The following NTM variants were observed in gnomAD, a reference collection of about 807,000 sequenced individuals.
The protein encoded by NTM is neurotrimin.
In NTM, 13 loss-of-function variants were observed where a neutral mutation model predicts 42.1. The observed-to-expected ratio is 0.31, with a 90% CI of 0.20 to 0.49. NTM has a LOEUF of 0.49. Among genes scored for constraint, NTM ranks in the 20% least tolerant of loss-of-function variants. The pLI is 0.99. For synonymous variants in NTM, 187 were observed against 179.2 expected (o/e 1.04, Z -0.35); for missense variants, 373 against 452.8 (o/e 0.82, Z 1.60).
At chr11:132,094,734 C>G (rs1200133028) in intron 2 of NTM, among the ~76,000 whole-genome samples, 1 of 152,096 alleles carries the variant, frequency 6.6e-6, no homozygotes, top group Non-Finnish European at 1.5e-5. Context: ...CCCATGGAAA[C>G]AACCAGAGAG....
intron 2 of NTM, among the ~76,000 whole-genome samples, chr11:131,975,580 T>C (rs929715845): frequency 2.6e-5 from 4 of 152,170 alleles, no homozygotes; most frequent in Non-Finnish European, 5.9e-5. Flanking sequence ...CAATAAAAGC[T>C]TAAATAAGGG....
At chr11:132,260,256 C>CT (rs11415025) in intron 4 of NTM, among the ~76,000 whole-genome samples, 77,087 of 148,118 alleles carry the variant, frequency 0.52, 20,513 homozygotes, top group African/African-American at 0.66. Context: ...ATCACCCAGC[C>CT]TTTTTTTTTT....
chr11:132,094,795 C>T (rs1473323343), intron 2 of NTM, among the ~76,000 whole-genome samples: 1 of 152,090 alleles, frequency 6.6e-6, no homozygotes, highest in Non-Finnish European at 1.5e-5. Context: ...CCCCCATATG[C>T]TTAAGAAGAC....
intron 2 of NTM, among the ~76,000 whole-genome samples, chr11:131,989,838 G>T (rs148982510): frequency 2.3e-3 from 349 of 152,156 alleles, no homozygotes; most frequent in African/African-American, 7.9e-3. Context: ...GAAAAGAATG[G>T]TACAACCATG....
chr11:131,440,206 C>A (rs909945186), intron 1 of NTM, among the ~76,000 whole-genome samples: 1 of 151,940 alleles, frequency 6.6e-6, no homozygotes, highest in Non-Finnish European at 1.5e-5. Flanking sequence ...TAACCTATAA[C>A]TTCTTTTAAT....
intron 1 of NTM, among the ~76,000 whole-genome samples, chr11:131,612,182 G>T (rs2061514092): frequency 1.3e-5 from 2 of 152,152 alleles, no homozygotes; most frequent in African/African-American, 4.8e-5. Flanking sequence ...GGCCACCTTG[G>T]AAGTGGATCC....
Position 132,335,334 on chromosome 11 carries a change from GA to G in NTM, c.*191del. 2 of 651,378 alleles carry G rather than the reference GA, an allele frequency of 3.1e-6. No homozygotes were observed. The highest frequency in any genetic ancestry group is 5.9e-5 in the East Asian group (2 of 33,944). 40.3% of individuals were successfully genotyped at this position (651,378 alleles called of 1,614,324 possible). ...TTGGGGGGAAAAAAGTTTTAAAAAAGAAATTGAAAATTGCCTTGCAGATATT... is the reference window on the plus strand; with the variant it reads ...TTGGGGGGAAAAAAGTTTTAAAAAAGAATTGAAAATTGCCTTGCAGATATT... On this transcript the variant is annotated 3_prime_UTR_variant, in exon 9 of 9. Coordinates refer to ENST00000683400, the MANE Select transcript of NTM (RefSeq NM_001352005.2).
intron 2 of NTM, among the ~76,000 whole-genome samples, chr11:132,142,672 A>G (rs543224006): frequency 1.3e-5 from 2 of 152,166 alleles, no homozygotes; most frequent in Admixed American, 6.5e-5. Context: ...ACTGATACCC[A>G]GCAGTGACAG....
chr11:131,532,854 G>A (rs2051500901), intron 1 of NTM, among the ~76,000 whole-genome samples: 1 of 152,010 alleles, frequency 6.6e-6, no homozygotes, highest in African/African-American at 2.4e-5. Flanking sequence ...TGTGTTTATG[G>A]CCTGGTATGT....
chr11:131,718,737 T>G (rs1377897016), intron 1 of NTM, among the ~76,000 whole-genome samples: 1 of 152,122 alleles, frequency 6.6e-6, no homozygotes, highest in African/African-American at 2.4e-5. Flanking sequence ...CTGAGCACTC[T>G]AATGTTCTTG....
intron 2 of NTM, among the ~76,000 whole-genome samples, chr11:132,092,933 A>G (rs918649580): frequency 6.6e-6 from 1 of 152,122 alleles, no homozygotes; most frequent in African/African-American, 2.4e-5. Flanking sequence ...TCTCATTGGG[A>G]TTATTATGGC....
intron 2 of NTM, among the ~76,000 whole-genome samples, chr11:131,999,648 G>C (rs2068780942): frequency 6.6e-6 from 1 of 152,130 alleles, no homozygotes; most frequent in African/African-American, 2.4e-5. Context: ...GAGAAAACAG[G>C]TTCTCTTCTG....
Position 131,632,895 on chromosome 11 carries a change from G to A in NTM, c.82+262007G>A, listed in dbSNP as rs535490359. ...TCACCGTGTTAGCCAGGATGGTCTCGATCTCCTGACCTCGTGATCCGCCCA... is the reference window on the plus strand; with the variant it reads ...TCACCGTGTTAGCCAGGATGGTCTCAATCTCCTGACCTCGTGATCCGCCCA... On this transcript the variant is annotated intron_variant, in intron 1 of 8. Transcript: ENST00000683400. Among the ~76,000 whole-genome samples the A allele has an allele frequency of 9.5e-5, 14 of 147,118 alleles. No homozygotes were observed. The East Asian group carries it at 1.6e-3, about 16-fold the overall frequency.
At chr11:131,599,888 T>C (rs1287690721) in intron 1 of NTM, among the ~76,000 whole-genome samples, 3 of 152,214 alleles carry the variant, frequency 2.0e-5, no homozygotes. Context: ...GAATCCTGCC[T>C]CCCTGGGCAG....
intron 2 of NTM, among the ~76,000 whole-genome samples, chr11:132,059,376 C>T (rs1353001886): frequency 6.6e-6 from 1 of 152,228 alleles, no homozygotes; most frequent in Non-Finnish European, 1.5e-5. Context: ...GACGCATTTG[C>T]TGCCTCCAAG....
At chr11:131,671,694 A>G (rs2070277101) in intron 1 of NTM, 1 of 737,120 alleles carries the variant, frequency 1.4e-6, no homozygotes, top group Non-Finnish European at 1.7e-6. Context: ...GCTAATTCAC[A>G]GGCCACTGGA....
At chr11:131,443,897 A>G (rs1446508734) in intron 1 of NTM, among the ~76,000 whole-genome samples, 1 of 152,178 alleles carries the variant, frequency 6.6e-6, no homozygotes, top group Non-Finnish European at 1.5e-5. Flanking sequence ...ATACCTCCAT[A>G]CCTACATTTG....
intron 1 of NTM, among the ~76,000 whole-genome samples, chr11:131,377,702 A>G (rs982889543): frequency 1.3e-4 from 20 of 152,328 alleles, no homozygotes; most frequent in Admixed American, 6.5e-4. Context: ...GTTCTCCTAC[A>G]CACCCATCTT....
At chr11:131,732,107 A>T (rs1385976333) in intron 1 of NTM, among the ~76,000 whole-genome samples, 2 of 152,194 alleles carry the variant, frequency 1.3e-5, no homozygotes, top group African/African-American at 4.8e-5. Context: ...ATAATTAAAG[A>T]ACCTGTTTTA....
Sources: gnomAD v4.1 joint callset for allele counts (sites outside exome capture counted in the v4.1 genomes callset) on GRCh38, gnomAD v4.1.1 for gene constraint, MANE v1.5 for transcripts, NCBI Gene and HGNC (gene_info 2026-07-23, HGNC 2026-07-21) for gene names.